PLOD2: variants seen among roughly 807,000 people sequenced by gnomAD.
PLOD2 encodes the protein procollagen-lysine,2-oxoglutarate 5-dioxygenase 2.
A neutral mutation model predicts 101.0 loss-of-function variants in PLOD2; 65 were observed. The ratio of observed to expected loss-of-function variants is 0.64; its 90% CI spans 0.53 to 0.79. The LOEUF is 0.79. Among genes scored for constraint, PLOD2 ranks in the 30% least tolerant of loss-of-function variants. The pLI, the probability that PLOD2 is intolerant of heterozygous loss-of-function variation, is 0.00. For synonymous variants in PLOD2, 314 were observed against 302.9 expected (o/e 1.04, Z -0.38); for missense variants, 909 against 914.6 (o/e 0.99, Z 0.08).
At chr3:146,159,368 A>G (rs1476800029) in intron 1 of PLOD2, among the ~76,000 whole-genome samples, 1 of 152,232 alleles carries the variant, frequency 6.6e-6, no homozygotes, top group African/African-American at 2.4e-5. Context: ...GACTATAAAT[A>G]TAAAGGCAGA....
At chr3:146,124,834 TTAAAGAA>T (rs776752173) in intron 1 of PLOD2, among the ~76,000 whole-genome samples, 45 of 152,312 alleles carry the variant, frequency 3.0e-4, no homozygotes, top group Non-Finnish European at 5.4e-4. Context: ...TGGTTTCTCT[TTAAAGAA>T]TAAATGGAAT....
chr3:146,077,775 A>T lies in PLOD2; in HGVS notation c.1563+87T>A, dbSNP rs950296761. On this transcript the variant is annotated intron_variant, in intron 14 of 19. Coordinates refer to ENST00000282903, the MANE Select transcript of PLOD2 (RefSeq NM_182943.3). ...CATTTTACCAAGCTAAATGCAAATA[A>T]GGCCCTTAAAGAAACTTTACTACTA... 19 of 729,980 alleles carry T rather than the reference A, an allele frequency of 2.6e-5. No individual in the cohort carries two copies. In the African/African-American group the frequency reaches 3.5e-4, roughly 13 times the overall value. 45.2% of individuals were successfully genotyped at this position (729,980 alleles called of 1,614,324 possible).
chr3:146,097,591 T>C (rs1319716051), intron 7 of PLOD2, among the ~76,000 whole-genome samples: 224 of 116,678 alleles, frequency 1.9e-3, no homozygotes, highest in Non-Finnish European at 3.3e-3. Context: ...AAACAGATGC[T>C]TGAAGGCAGC....
rs1255788955 is a variant in PLOD2 at position 146,069,975 on chromosome 3, T to C, written c.*742A>G. The stretch of plus-strand genomic sequence containing the variant: ...ACTTGCTGATCTTGACACTTGATAA[T>C]ACTTTAAGAAATGGAAAGGTTTTCC... On this transcript the variant is annotated 3_prime_UTR_variant, in exon 20 of 20. Transcript: ENST00000282903. The C allele has an allele frequency of 2.6e-5, 4 of 152,172 alleles. No individual in the cohort carries two copies. The highest frequency in any genetic ancestry group is 5.9e-5 in the Non-Finnish European group (4 of 67,904). 9.4% of individuals were successfully genotyped at this position (152,172 alleles called of 1,614,324 possible).
intron 7 of PLOD2, among the ~76,000 whole-genome samples, chr3:146,096,726 G>C (rs572034814): frequency 1.3e-5 from 2 of 149,054 alleles, no homozygotes; most frequent in Admixed American, 6.6e-5. Flanking sequence ...GTCTCCGCCC[G>C]GAAGCCACCC....
chr3:146,112,139 C>A (rs1937663804), intron 3 of PLOD2, among the ~76,000 whole-genome samples: 1 of 152,120 alleles, frequency 6.6e-6, no homozygotes, highest in Admixed American at 6.5e-5. Context: ...CCAGCAATCC[C>A]ATTGCTGGGT....
intron 1 of PLOD2, among the ~76,000 whole-genome samples, chr3:146,138,726 T>G (rs1258380349): frequency 6.6e-6 from 1 of 152,116 alleles, no homozygotes; most frequent in Non-Finnish European, 1.5e-5. Flanking sequence ...GGTTTTTACT[T>G]CAAATGTAAT....
In PLOD2 at chr3:146,091,761, T is replaced by G. The variant is rs576525849; in HGVS notation, c.879+39A>C. On this transcript the variant is annotated intron_variant, in intron 8 of 19. Coordinates refer to ENST00000282903, the MANE Select transcript of PLOD2 (RefSeq NM_182943.3). ...TCACAGTATTTCATGACAATGTACT[T>G]TCTATTACTACATTTCACACATAAT... is the stretch of plus-strand genomic sequence containing the variant. 4.6e-6 allele frequency: 5 copies of G among 1,091,458 alleles called. No homozygotes were observed. The South Asian group carries it at 6.2e-5, about 14-fold the overall frequency. The allele number at this position is 1,091,458 out of a possible 1,614,324, so 67.6% of individuals were successfully genotyped here. A position where few individuals can be genotyped will look rare whatever the true frequency, so the allele number is the denominator to read the frequency against.
rs1277029451 is a variant in PLOD2, at chr3:146,069,479, T to C, written c.*1238A>G. On this transcript the variant is annotated 3_prime_UTR_variant, in exon 20 of 20. Coordinates refer to ENST00000282903, the MANE Select transcript of PLOD2 (RefSeq NM_182943.3). ...TTATTTTTTATAATTTTCTAACACA[T>C]GGTGTTAGAAAATGAATTTTGGCAC... is the stretch of plus-strand genomic sequence containing the variant. 1.3e-5 allele frequency: 2 copies of C among 152,124 alleles called. No individual in the cohort carries two copies. Among genetic ancestry groups the C allele is most frequent in the Non-Finnish European group, 2.9e-5 (2 of 67,866 alleles). 9.4% of individuals were successfully genotyped at this position (152,124 alleles called of 1,614,324 possible).
At chr3:146,096,838 G>A (rs1419921791) in intron 7 of PLOD2, among the ~76,000 whole-genome samples, 1 of 132,786 alleles carries the variant, frequency 7.5e-6, no homozygotes, top group Non-Finnish European at 1.6e-5. Context: ...TGGGAAGTGA[G>A]GAGCCCCTCT....
chr3:146,136,134 G>C (rs907444096), intron 1 of PLOD2, among the ~76,000 whole-genome samples: 1 of 151,910 alleles, frequency 6.6e-6, no homozygotes, highest in African/African-American at 2.4e-5. Flanking sequence ...TCTGGGTTTT[G>C]TTTCTCACAC....
In PLOD2 at chr3:146,102,740, G is replaced by GTA; in HGVS notation, c.777+13_777+14dup. On this transcript the variant is annotated intron_variant, in intron 7 of 19. Transcript: ENST00000282903. ...ATCTCCAAGAATTGGCCAAATAAAA[G>GTA]TAACTGTTACTTACCTTGGTGGGTC... 7.7e-7 allele frequency: 1 copy of GTA among 1,296,372 alleles called. No homozygotes were observed. The highest frequency in any genetic ancestry group is 1.1e-6 in the Non-Finnish European group (1 of 890,196). The allele number at this position is 1,296,372 out of a possible 1,614,324, so 80.3% of individuals were successfully genotyped here.
chr3:146,122,543 G>A (rs2030237010), intron 2 of PLOD2, among the ~76,000 whole-genome samples: 1 of 152,094 alleles, frequency 6.6e-6, no homozygotes, highest in Non-Finnish European at 1.5e-5. Context: ...TCACTCCCAG[G>A]ATTTGTAATT....
At chr3:146,104,419 G>C in intron 5 of PLOD2, 77 bp from the exon 6 acceptor site, 2 of 790,368 alleles carry the variant, frequency 2.5e-6, no homozygotes, top group Non-Finnish European at 4.5e-6. Context: ...AATATAGTTT[G>C]TTCTTTGAGG....
chr3:146,154,800 T>C (rs2032224533), intron 1 of PLOD2, among the ~76,000 whole-genome samples: 1 of 152,194 alleles, frequency 6.6e-6, no homozygotes, highest in African/African-American at 2.4e-5. Context: ...AATCAAGGCC[T>C]GAAAAAAATG....
intron 10 of PLOD2, 27 bp downstream of exon 10, chr3:146,086,760 A>T (rs1186757383): frequency 2.2e-6 from 3 of 1,355,562 alleles, no homozygotes; most frequent in Non-Finnish European, 1.0e-6. Context: ...AAATAATTTA[A>T]TTTAATTTTA....
intron 8 of PLOD2, among the ~76,000 whole-genome samples, chr3:146,089,430 T>C (rs960110625): frequency 4.7e-4 from 71 of 151,478 alleles, no homozygotes; most frequent in African/African-American, 1.5e-3. Context: ...GACTTACAAG[T>C]AGATGGGGAA....
chr3:146,121,559 G>A (rs954239676), intron 2 of PLOD2, among the ~76,000 whole-genome samples: 1 of 151,996 alleles, frequency 6.6e-6, no homozygotes, highest in Admixed American at 6.6e-5. Context: ...AGACCATAAA[G>A]AAGAAAAATG....
chr3:146,121,139 T>C lies in PLOD2; in HGVS notation c.311A>G (p.Asp104Gly), dbSNP rs761017154. 6.8e-6 allele frequency: 11 copies of C among 1,608,218 alleles called. No homozygotes were observed. In the Admixed American group the frequency reaches 1.3e-4, roughly 20 times the overall value. The change falls in exon 3 of 20, where the codon GAT (aspartate) becomes GGT (glycine). Residue 104 changes from aspartate to glycine, a missense_variant. Transcript: ENST00000282903. ...KEVMEHYADQ[D>G]DLVVMFTECF... ...TTCAGTAAACATGACAACCAGATCA[T>C]CTTGATCAGCATAGTGTTCCATGAC... is the stretch of plus-strand genomic sequence containing the variant.
Sources: allele counts gnomAD v4.1 joint callset (sites outside exome capture counted in the v4.1 genomes callset), GRCh38; gene constraint gnomAD v4.1.1; transcripts MANE v1.5; gene names NCBI Gene and HGNC (gene_info 2026-07-23, HGNC 2026-07-21).